HPSE2: variants seen among roughly 807,000 people sequenced by gnomAD.
HPSE2 encodes heparanase 2 (inactive).
HPSE2 carries 38 observed loss-of-function variants against 60.5 expected under a neutral mutation model. The ratio of observed to expected loss-of-function variants is 0.63; its 90% CI spans 0.48 to 0.82. The LOEUF (loss-of-function observed/expected upper bound fraction) is 0.82. HPSE2 is among the 40% of genes least tolerant of loss of function. The pLI, the probability that HPSE2 is intolerant of heterozygous loss-of-function variation, is 0.00. For missense variants in HPSE2, 713 were observed against 740.4 expected, an observed-to-expected ratio of 0.96 and a Z score of 0.43; for synonymous variants, 295 against 293.2, an observed-to-expected ratio of 1.01 and a Z score of -0.06.
chr10:98,878,571 T>A (rs76958770), intron 3 of HPSE2, among the ~76,000 whole-genome samples: 1,654 of 152,124 alleles, frequency 0.011, 33 homozygotes, highest in African/African-American at 0.037. Flanking sequence ...TAGTGTATCC[T>A]AGTGATTAGA....
chr10:99,159,795 A>C (rs1338219542), intron 2 of HPSE2, among the ~76,000 whole-genome samples: 2 of 152,202 alleles, frequency 1.3e-5, no homozygotes, highest in Non-Finnish European at 2.9e-5. Context: ...TTCAAAATAG[A>C]AAAATAATAA....
At chr10:99,205,581 CA>C (rs923493308) in intron 2 of HPSE2, among the ~76,000 whole-genome samples, 1 of 150,020 alleles carries the variant, frequency 6.7e-6, no homozygotes, top group African/African-American at 2.4e-5. Context: ...GACTCTGTCT[CA>C]AAAAAAAAGC....
intron 3 of HPSE2, among the ~76,000 whole-genome samples, chr10:98,829,457 G>A (rs1951630549): frequency 6.6e-6 from 1 of 151,854 alleles, no homozygotes; most frequent in Admixed American, 6.6e-5. Flanking sequence ...GGAGGTGGAG[G>A]TTGCAGTGAG....
intron 5 of HPSE2, among the ~76,000 whole-genome samples, chr10:98,701,420 C>T (rs1174627320): frequency 6.9e-6 from 1 of 145,776 alleles, no homozygotes; most frequent in Admixed American, 7.1e-5. Flanking sequence ...TATTCTCACT[C>T]ATAGGTGGGA....
chr10:98,582,271 A>G (rs560284326), intron 9 of HPSE2, among the ~76,000 whole-genome samples: 2 of 152,346 alleles, frequency 1.3e-5, no homozygotes, highest in South Asian at 2.1e-4. Flanking sequence ...GGTTTACACT[A>G]AAATGTTTTA....
chr10:99,115,122 TATAC>T (rs1844629918), intron 3 of HPSE2, among the ~76,000 whole-genome samples: 1 of 150,068 alleles, frequency 6.7e-6, no homozygotes, highest in African/African-American at 2.4e-5. Flanking sequence ...AAGCTGGGAC[TATAC>T]ACATGCACCA....
At chr10:98,908,894 G>C (rs1953902357) in intron 3 of HPSE2, among the ~76,000 whole-genome samples, 1 of 152,016 alleles carries the variant, frequency 6.6e-6, no homozygotes, top group African/African-American at 2.4e-5. Context: ...GTCACAGAAA[G>C]ACACATTCCT....
At chr10:99,152,601 G>A (rs1329089240) in intron 2 of HPSE2, among the ~76,000 whole-genome samples, 4 of 152,040 alleles carry the variant, frequency 2.6e-5, no homozygotes, top group Non-Finnish European at 4.4e-5. Context: ...ACAATAGAAA[G>A]GATAAGAAAA....
the HPSE2 span, among the ~76,000 whole-genome samples, chr10:99,291,356 C>A: frequency 1.3e-5 from 2 of 152,090 alleles, no homozygotes; most frequent in Non-Finnish European, 2.9e-5. Flanking sequence ...GAGGCCAAGG[C>A]GGGCAGATCA....
chr10:99,099,169 G>A lies in HPSE2; in HGVS notation c.610+45069C>T, dbSNP rs371985142. 1.3e-4 allele frequency among the ~76,000 whole-genome samples: 20 copies of A among 152,290 alleles called. 1 individual carries two copies. Among genetic ancestry groups the A allele is most frequent in the East Asian group, 7.7e-4 (4 of 5,172 alleles). ...TGCAGGACAGTGGGTGCAGCCCACC[G>A]AGTGTGAGCTGAAGCAGCGCGAGGC... On this transcript the variant is annotated intron_variant, in intron 3 of 11. Coordinates refer to ENST00000370552, the MANE Select transcript of HPSE2 (RefSeq NM_021828.5).
intron 3 of HPSE2, among the ~76,000 whole-genome samples, chr10:98,810,872 G>A (rs1855984): frequency 4.1e-4 from 62 of 152,182 alleles, no homozygotes; most frequent in Non-Finnish European, 6.2e-4. Flanking sequence ...CATGCAGCCC[G>A]TGGGCCATGG....
intron 3 of HPSE2, among the ~76,000 whole-genome samples, chr10:98,761,603 A>G (rs1169134696): frequency 6.6e-6 from 1 of 152,192 alleles, no homozygotes. Flanking sequence ...CCAAATATGA[A>G]GACATGACTG....
intron 3 of HPSE2, among the ~76,000 whole-genome samples, chr10:98,824,112 ATATCT>A (rs1268206772): frequency 6.6e-6 from 1 of 152,228 alleles, no homozygotes; most frequent in African/African-American, 2.4e-5. Context: ...AAATTGGAAA[ATATCT>A]TGAATTGAAC....
intron 3 of HPSE2, among the ~76,000 whole-genome samples, chr10:99,083,451 C>A (rs1464122496): frequency 6.6e-6 from 1 of 152,188 alleles, no homozygotes; most frequent in Non-Finnish European, 1.5e-5. Context: ...AAAAATAGGG[C>A]ATTTCCAAGT....
chr10:98,814,281 ATTT>A (rs1250552031), intron 3 of HPSE2, among the ~76,000 whole-genome samples: 1 of 152,132 alleles, frequency 6.6e-6, no homozygotes, highest in Non-Finnish European at 1.5e-5. Context: ...AATATAATAG[ATTT>A]TTGTGTATTG....
chr10:98,833,485 T>TA (rs1256731950), intron 3 of HPSE2, among the ~76,000 whole-genome samples: 1 of 152,200 alleles, frequency 6.6e-6, no homozygotes, highest in Admixed American at 6.6e-5. Context: ...ATGATATTGT[T>TA]ATTAATAGGT....
chr10:99,118,541 A>AC (rs397703704), intron 3 of HPSE2, among the ~76,000 whole-genome samples: 4 of 150,468 alleles, frequency 2.7e-5, no homozygotes, highest in Non-Finnish European at 5.9e-5. Context: ...AAAAAAAAAA[A>AC]CCATACCTCA....
chr10:99,137,280 T>C (rs1442913576), intron 3 of HPSE2, among the ~76,000 whole-genome samples: 4 of 152,142 alleles, frequency 2.6e-5, no homozygotes, highest in East Asian at 1.9e-4. Flanking sequence ...TGCTTATGGA[T>C]AGGAAGAATC....
chr10:98,573,637 A>G (rs139442552), intron 9 of HPSE2, among the ~76,000 whole-genome samples: 9 of 152,302 alleles, frequency 5.9e-5, no homozygotes, highest in East Asian at 3.9e-4. Context: ...CTCAGCTCCT[A>G]TCTTTTTCAC....
Sources: allele counts gnomAD v4.1 joint callset (sites outside exome capture counted in the v4.1 genomes callset), GRCh38; gene constraint gnomAD v4.1.1; transcripts MANE v1.5; gene names NCBI Gene and HGNC (gene_info 2026-07-23, HGNC 2026-07-21).